The following GAB3 variants were observed in gnomAD, a reference collection of about 807,000 sequenced individuals.
The protein encoded by GAB3 is GRB2-associated-binding protein 3.
GAB3 carries 12 observed loss-of-function variants against 40.4 expected under a neutral mutation model. That is an observed-to-expected ratio of 0.30 (90% CI 0.19 to 0.48). GAB3 has a LOEUF of 0.48. Among genes scored for constraint, GAB3 ranks in the 20% least tolerant of loss-of-function variants. GAB3 has a pLI of 0.99. For synonymous variants in GAB3, 154 were observed against 176.7 expected (o/e 0.87, Z 1.02); for missense variants, 381 against 461.9 (o/e 0.82, Z 1.61).
intron 1 of GAB3, among the ~76,000 whole-genome samples, chrX:154,717,516 T>G (rs2071064277): frequency 9.0e-6 from 1 of 111,529 alleles, no homozygotes; most frequent in Admixed American, 9.5e-5. Context: ...GATGAACAGG[T>G]AAAGCTCAGT....
intron 8 of GAB3, among the ~76,000 whole-genome samples, chrX:154,680,472 G>A: frequency 8.9e-6 from 1 of 112,290 alleles, no homozygotes; most frequent in Middle Eastern, 4.6e-3. Flanking sequence ...TATTCACCAT[G>A]GGAACAGTTT....
chrX:154,722,705 A>G (rs1309599729), intron 1 of GAB3, among the ~76,000 whole-genome samples: 1 of 112,163 alleles, frequency 8.9e-6, no homozygotes. Context: ...TGAGTGATAA[A>G]AACATTAAAA....
At chrX:154,714,784 G>A (rs2071020612) in intron 2 of GAB3, among the ~76,000 whole-genome samples, 1 of 112,526 alleles carries the variant, frequency 8.9e-6, no homozygotes, top group South Asian at 3.6e-4. Flanking sequence ...GATATACCTA[G>A]TTAAGGCTGA....
At chrX:154,698,608 G>A (rs1204987219) in intron 6 of GAB3, among the ~76,000 whole-genome samples, 1 of 111,520 alleles carries the variant, frequency 9.0e-6, no homozygotes, top group Non-Finnish European at 1.9e-5. Flanking sequence ...AACTGGGAAG[G>A]GGAGGATGAG....
At chrX:154,697,698 G>A (rs782517963) in intron 6 of GAB3, among the ~76,000 whole-genome samples, 1 of 111,991 alleles carries the variant, frequency 8.9e-6, no homozygotes, top group East Asian at 2.8e-4. Flanking sequence ...CTCTAGACAA[G>A]ATCAGGCCCC....
chrX:154,727,895 C>A (rs1009547467), intron 1 of GAB3, among the ~76,000 whole-genome samples: 2 of 112,015 alleles, frequency 1.8e-5, no homozygotes, highest in African/African-American at 3.3e-5. Context: ...GTAAAATAAA[C>A]CTGGCTGGGT....
rs782249295 is a variant in GAB3 at position 154,716,318 on chromosome X, C to T, written c.84G>A (p.Lys28=). The change falls in exon 2 of 10, where the codon AAG becomes AAA. Residue 28 remains lysine (K), a synonymous_variant. Transcript: ENST00000424127. ...ERKLQRYAWR[K]RWFVLRRGRM... is the part of the protein sequence containing the mutation. Reference sequence around the variant, plus strand: ...GGCCTCGCCGGAGGACAAACCAGCGCTTGCGCCAGGCCTGCAGAAAGGCAA... The same window carrying T: ...GGCCTCGCCGGAGGACAAACCAGCGTTTGCGCCAGGCCTGCAGAAAGGCAA... 5.3e-5 allele frequency: 64 copies of T among 1,208,119 alleles called. No homozygotes were observed. The East Asian group carries it at 1.8e-3, about 35-fold the overall frequency.
intron 2 of GAB3, among the ~76,000 whole-genome samples, chrX:154,715,679 A>G (rs1004975420): frequency 8.9e-6 from 1 of 111,968 alleles, no homozygotes; most frequent in African/African-American, 3.3e-5. Flanking sequence ...AAGTATGGCA[A>G]TATTTGATAT....
At chrX:154,699,590 C>G in intron 5 of GAB3, 77 bp from the exon 6 acceptor site, 3 of 827,808 alleles carry the variant, frequency 3.6e-6, no homozygotes, top group Non-Finnish European at 5.1e-6. Context: ...CAAAGCTGTA[C>G]ATATGGTTTC....
intron 1 of GAB3, among the ~76,000 whole-genome samples, chrX:154,742,985 C>CATACAT (rs782068012): frequency 1.1e-5 from 1 of 92,333 alleles, no homozygotes; most frequent in Admixed American, 1.2e-4. Context: ...AGTGTGTGTA[C>CATACAT]ATATATATAT....
At chrX:154,727,964 G>T (rs981426805) in intron 1 of GAB3, among the ~76,000 whole-genome samples, 1 of 111,738 alleles carries the variant, frequency 8.9e-6, no homozygotes, top group African/African-American at 3.3e-5. Context: ...GAAGTGGCCC[G>T]CCTGGATTGT....
intron 8 of GAB3, among the ~76,000 whole-genome samples, chrX:154,690,338 A>G (rs1487832116): frequency 8.9e-6 from 1 of 112,357 alleles, no homozygotes; most frequent in African/African-American, 3.2e-5. Flanking sequence ...AGGCATTACC[A>G]TTCAGGACAC....
intron 2 of GAB3, among the ~76,000 whole-genome samples, chrX:154,713,774 T>TATATATATAC (rs1184906944): frequency 3.4e-4 from 27 of 79,314 alleles, no homozygotes; most frequent in Non-Finnish European, 5.6e-4. Context: ...TATATATATA[T>TATATATATAC]ATATATATAT....
chrX:154,750,792 C>G (rs1482828026), intron 1 of GAB3, among the ~76,000 whole-genome samples, 162 bp downstream of exon 1: 2 of 111,470 alleles, frequency 1.8e-5, no homozygotes, highest in Non-Finnish European at 3.8e-5. Flanking sequence ...GAAGCTGGCT[C>G]GACGTGCGAT....
chrX:154,730,852 T>G lies in GAB3; in HGVS notation c.73-14523A>C, dbSNP rs997213562. Among the ~76,000 whole-genome samples the G allele has an allele frequency of 6.2e-5, 7 of 112,097 alleles. No individual in the cohort carries two copies. The South Asian group carries it at 2.6e-3, about 42-fold the overall frequency. ...GCTCCCTGCCAGATAGAGTTGGGAC[T>G]TGTCCAAGGCGTGGAATAACTTCCT... is the stretch of plus-strand genomic sequence containing the variant. On this transcript the variant is annotated intron_variant, in intron 1 of 9. Coordinates refer to ENST00000424127, the MANE Select transcript of GAB3 (RefSeq NM_001081573.3).
chrX:154,693,767 A>T (rs1158262603), intron 8 of GAB3, among the ~76,000 whole-genome samples: 1 of 112,100 alleles, frequency 8.9e-6, no homozygotes, highest in Non-Finnish European at 1.9e-5. Flanking sequence ...AAAGTATTGT[A>T]ATACCATAAT....
Position 154,696,020 on chromosome X carries a change from C to T in GAB3, c.1428-1G>A. The T allele has an allele frequency of 8.8e-7, 1 of 1,135,802 alleles. No individual in the cohort carries two copies. Among genetic ancestry groups the T allele is most frequent in the Non-Finnish European group, 1.2e-6 (1 of 830,196 alleles). The allele number at this position is 1,135,802 out of a possible 1,213,427, so 93.6% of individuals were successfully genotyped here. ...TGGAGAGAGAAAGCTGGTTCGACTGCTAAGAATAAAAATATAGATGAGGTC... is the reference window on the plus strand; with the variant it reads ...TGGAGAGAGAAAGCTGGTTCGACTGTTAAGAATAAAAATATAGATGAGGTC... On this transcript the variant is annotated splice_acceptor_variant, in intron 7 of 9. Coordinates refer to ENST00000424127, the MANE Select transcript of GAB3 (RefSeq NM_001081573.3). LOFTEE classifies it high-confidence loss of function.
In GAB3 at chrX:154,742,188, A is replaced by G. The variant is rs1469977121; in HGVS notation, c.72+8766T>C. On this transcript the variant is annotated intron_variant, in intron 1 of 9. Transcript: ENST00000424127. Reference sequence around the variant, plus strand: ...AAAACTACAAGGGAAATTAGAAGATATCTTGAAGTGAATAAAACCAAAAAT... The same window carrying G: ...AAAACTACAAGGGAAATTAGAAGATGTCTTGAAGTGAATAAAACCAAAAAT... Among the ~76,000 whole-genome samples the G allele has an allele frequency of 3.6e-5, 4 of 112,578 alleles. No homozygotes were observed. The Admixed American group carries it at 3.7e-4, about 11-fold the overall frequency.
chrX:154,693,100 C>G (rs1339818657), intron 8 of GAB3, among the ~76,000 whole-genome samples: 2 of 111,361 alleles, frequency 1.8e-5, no homozygotes, highest in South Asian at 7.5e-4. Flanking sequence ...AAAATGTGGT[C>G]AGCCTTAAAA....
Sources: allele counts gnomAD v4.1 joint callset (sites outside exome capture counted in the v4.1 genomes callset), GRCh38; gene constraint gnomAD v4.1.1; transcripts MANE v1.5; gene names NCBI Gene and HGNC (gene_info 2026-07-23, HGNC 2026-07-21).